The following ERBIN variants were observed in gnomAD, a reference collection of about 807,000 sequenced individuals.
The protein encoded by ERBIN is erbb2 interacting protein.
ERBIN carries 60 observed loss-of-function variants against 158.4 expected under a neutral mutation model. The ratio of observed to expected loss-of-function variants is 0.38; its 90% CI spans 0.31 to 0.47. The LOEUF is 0.47. Ranked by LOEUF, ERBIN falls within the 20% of genes least tolerant of loss-of-function variation. The pLI is 0.99. For synonymous variants in ERBIN, 594 were observed against 557.2 expected (o/e 1.07, Z -0.93); for missense variants, 1,610 against 1,648.0 (o/e 0.98, Z 0.40).
chr5:66,006,647 G>A (rs1021111629), intron 4 of ERBIN, among the ~76,000 whole-genome samples: 4 of 152,014 alleles, frequency 2.6e-5, no homozygotes, highest in Non-Finnish European at 5.9e-5. Flanking sequence ...CTACTTATCT[G>A]ACAAAGGGCT....
chr5:66,007,191 A>T (rs918892983), intron 4 of ERBIN, among the ~76,000 whole-genome samples: 2 of 152,232 alleles, frequency 1.3e-5, no homozygotes, highest in Admixed American at 1.3e-4. Context: ...CATATACACC[A>T]TGGAATACTG....
chr5:65,977,189 G>A (rs1237333880), intron 1 of ERBIN, among the ~76,000 whole-genome samples: 4 of 145,006 alleles, frequency 2.8e-5, no homozygotes, highest in Admixed American at 6.7e-5. Flanking sequence ...CTGGCCGGGC[G>A]GGGGGCTGAC....
intron 1 of ERBIN, among the ~76,000 whole-genome samples, chr5:65,956,832 CTT>C (rs1747201361): frequency 6.6e-6 from 1 of 152,124 alleles, no homozygotes; most frequent in African/African-American, 2.4e-5. Context: ...CTGGTGAACA[CTT>C]TAATAATTCC....
chr5:65,994,843 G>A lies in ERBIN; in HGVS notation c.286G>A (p.Glu96Lys), dbSNP rs1472399926. 1.2e-6 allele frequency: 2 copies of A among 1,603,124 alleles called. No homozygotes were observed. Among genetic ancestry groups the A allele is most frequent in the Admixed American group, 3.5e-5 (2 of 57,650 alleles). Reference protein sequence around the residue: ...ASIANLINLRELDVSKNGIQE... With the variant: ...ASIANLINLRKLDVSKNGIQE... ...CATTGCAAACCTTATTAATCTCAGG[G>A]AACTGGATGTCAGCAAGAATGGTAA... is the stretch of plus-strand genomic sequence containing the variant. The change falls in exon 4 of 26, where the codon GAA (glutamate) becomes AAA (lysine). Residue 96 changes from glutamate to lysine, a missense_variant. Physicochemically the swap from Glu to Lys is moderately conservative, Grantham distance 56. Transcript: ENST00000284037.
chr5:65,935,985 C>T (rs251321), intron 1 of ERBIN, among the ~76,000 whole-genome samples: 1 of 151,944 alleles, frequency 6.6e-6, no homozygotes, highest in Non-Finnish European at 1.5e-5. Context: ...CTCGAACCTC[C>T]CAAAGTACTG....
Position 66,050,917 on chromosome 5 carries a change from C to G in ERBIN, c.2038C>G (p.Leu680Val), listed in dbSNP as rs1758955778. The G allele has an allele frequency of 5.0e-6, 8 of 1,605,916 alleles. No individual in the cohort carries two copies. The highest frequency in any genetic ancestry group is 6.8e-6 in the Non-Finnish European group (8 of 1,177,846). Residue 680 changes from leucine to valine, a missense_variant, in exon 20 of 26, where the codon CTC (leucine) becomes GTC (valine). Physicochemically the swap from Leu to Val is conservative, Grantham distance 32. Around this residue, in one of 2 missense-constraint regions of ERBIN, gnomAD observed 1,014 missense variants for 936.1 expected, o/e 1.08. Coordinates refer to ENST00000284037, the MANE Select transcript of ERBIN (RefSeq NM_001253697.2). ...TACTGATAGTAGTCAAGACACCTCA[C>G]TCTGCTCTCCAGTGAAACAAACTCA... ...LNTDSSQDTSLCSPVKQTHID... is the reference protein window; with the variant it reads ...LNTDSSQDTSVCSPVKQTHID...
chr5:65,945,709 AAAAT>A (rs1484872059), intron 1 of ERBIN, among the ~76,000 whole-genome samples: 1 of 152,240 alleles, frequency 6.6e-6, no homozygotes, highest in Non-Finnish European at 1.5e-5. Flanking sequence ...TTTTAAAATA[AAAAT>A]AAAGTTAAAA....
intron 20 of ERBIN, 45 bp downstream of exon 20, chr5:66,051,011 AAGT>A (rs1337116638): frequency 7.8e-7 from 1 of 1,288,860 alleles, no homozygotes; most frequent in Admixed American, 2.2e-5. Context: ...CAATAAATAG[AAGT>A]AGTAAGGCAG....
chr5:65,987,367 TACAC>T (rs56222591), intron 1 of ERBIN, among the ~76,000 whole-genome samples: 34 of 135,684 alleles, frequency 2.5e-4, no homozygotes, highest in East Asian at 4.2e-4. Flanking sequence ...AGAGACTGTC[TACAC>T]ACACACACAC....
chr5:65,944,182 A>T (rs1176977179), intron 1 of ERBIN, among the ~76,000 whole-genome samples: 2 of 149,716 alleles, frequency 1.3e-5, no homozygotes, highest in African/African-American at 4.9e-5. Flanking sequence ...TTGCTGGCTC[A>T]TATGGTAATT....
intron 22 of ERBIN, among the ~76,000 whole-genome samples, chr5:66,073,446 C>T (rs775055086): frequency 1.3e-5 from 2 of 152,072 alleles, no homozygotes; most frequent in Non-Finnish European, 2.9e-5. Flanking sequence ...CTTCATTTTC[C>T]TTCTCTCCAA....
At chr5:65,945,099 A>C (rs1480244295) in intron 1 of ERBIN, among the ~76,000 whole-genome samples, 1 of 152,226 alleles carries the variant, frequency 6.6e-6, no homozygotes, top group African/African-American at 2.4e-5. Flanking sequence ...GTTATCTGCA[A>C]ATCTCCTCAG....
intron 1 of ERBIN, among the ~76,000 whole-genome samples, chr5:65,983,776 G>A (rs1340943895): frequency 6.6e-6 from 1 of 152,122 alleles, no homozygotes; most frequent in Non-Finnish European, 1.5e-5. Flanking sequence ...AAGCTTCTCC[G>A]CATCTCAGGG....
At chr5:66,008,275 C>T (rs923233942) in intron 4 of ERBIN, among the ~76,000 whole-genome samples, 3 of 151,946 alleles carry the variant, frequency 2.0e-5, no homozygotes, top group African/African-American at 7.3e-5. Context: ...AAAAATTAGC[C>T]GGGCGTGGTG....
chr5:65,994,870 GCT>G lies in ERBIN; in HGVS notation c.307+7_307+8del. 6.5e-7 allele frequency: 1 copy of G among 1,544,416 alleles called. No individual in the cohort carries two copies. The highest frequency in any genetic ancestry group is 8.8e-7 in the Non-Finnish European group (1 of 1,132,190). On this transcript the variant is annotated splice_region_variant and intron_variant, in intron 4 of 25. Transcript: ENST00000284037. ...ACTGGATGTCAGCAAGAATGGTAAG[GCT>G]TTTTTTGCCCATAATTTTTTGTACT...
At chr5:66,065,387 T>G (rs1466047960) in intron 21 of ERBIN, among the ~76,000 whole-genome samples, 1 of 152,168 alleles carries the variant, frequency 6.6e-6, no homozygotes, top group Non-Finnish European at 1.5e-5. Flanking sequence ...CCATCTTTCA[T>G]CTTTTCCCCT....
chr5:65,962,328 T>G (rs1434640708), intron 1 of ERBIN, among the ~76,000 whole-genome samples: 1 of 152,188 alleles, frequency 6.6e-6, no homozygotes, highest in African/African-American at 2.4e-5. Flanking sequence ...AATTGGCTAT[T>G]AAGCTACTAG....
intron 21 of ERBIN, among the ~76,000 whole-genome samples, chr5:66,062,545 C>G (rs1580511982): frequency 6.6e-6 from 1 of 152,190 alleles, no homozygotes; most frequent in Non-Finnish European, 1.5e-5. Flanking sequence ...CTCAACTCAT[C>G]AAAGTCATTC....
At position 65,964,908 on chromosome 5, in the gene ERBIN, TTGTGTGTGTGTG is replaced by T. The variant is rs70987104; in HGVS notation, c.-57-23701_-57-23690del. Reference sequence around the variant, plus strand: ...GCGTGGGCCACCACGCCTGGCTGATTTGTGTGTGTGTGTGTGTGTGTGTGTGTGTGTGTGTGT... The same window carrying T: ...GCGTGGGCCACCACGCCTGGCTGATTTGTGTGTGTGTGTGTGTGTGTGTGT... On this transcript the variant is annotated intron_variant, in intron 1 of 25. Transcript: ENST00000284037. Among the ~76,000 whole-genome samples, 259 of 107,250 alleles carry T rather than the reference TTGTGTGTGTGTG, an allele frequency of 2.4e-3. 1 individual carries two copies. Among genetic ancestry groups the T allele is most frequent in the South Asian group, 4.2e-3 (13 of 3,062 alleles). The allele number at this position is 107,250 out of a possible 152,430, so 70.4% of individuals were successfully genotyped here. A position where few individuals can be genotyped will look rare whatever the true frequency, so the allele number is the denominator to read the frequency against.
Sources: allele counts gnomAD v4.1 joint callset (sites outside exome capture counted in the v4.1 genomes callset), GRCh38; gene constraint gnomAD v4.1.1; regional missense constraint gnomAD v4.1.1; transcripts MANE v1.5; gene names NCBI Gene and HGNC (gene_info 2026-07-23, HGNC 2026-07-21).